PDE10A: variants seen among roughly 807,000 people sequenced by gnomAD.
PDE10A encodes the protein cAMP and cAMP-inhibited cGMP 3',5'-cyclic phosphodiesterase 10A.
A neutral mutation model predicts 97.7 loss-of-function variants in PDE10A; 39 were observed. The ratio of observed to expected loss-of-function variants is 0.40; its 90% CI spans 0.31 to 0.52. The LOEUF (loss-of-function observed/expected upper bound fraction) is 0.52, where lower values mean the gene tolerates loss of function less well. Among genes scored for constraint, PDE10A ranks in the 20% least tolerant of loss-of-function variants. PDE10A has a pLI of 0.56. For synonymous variants in PDE10A, 371 were observed against 376.8 expected (o/e 0.98, Z 0.18); for missense variants, 731 against 1,047.8 (o/e 0.70, Z 4.17).
chr6:165,855,518 C>G (rs1420612092), intron 1 of PDE10A, among the ~76,000 whole-genome samples: 1 of 151,536 alleles, frequency 6.6e-6, no homozygotes, highest in African/African-American at 2.4e-5. Flanking sequence ...TGCACCCCCA[C>G]GCAGCCCGGG....
chr6:165,618,579 C>G (rs1440109415), intron 1 of PDE10A, among the ~76,000 whole-genome samples: 1 of 152,164 alleles, frequency 6.6e-6, no homozygotes, highest in Non-Finnish European at 1.5e-5. Flanking sequence ...AGCCCTTTAC[C>G]ATATGCAGGG....
chr6:165,401,924 G>A (rs1052120582), intron 13 of PDE10A, among the ~76,000 whole-genome samples: 5 of 152,164 alleles, frequency 3.3e-5, no homozygotes, highest in Admixed American at 2.6e-4. Flanking sequence ...AGATGATAGC[G>A]TAGATTCTGC....
At chr6:165,518,854 A>G (rs539310776) in intron 2 of PDE10A, among the ~76,000 whole-genome samples, 37 of 152,322 alleles carry the variant, frequency 2.4e-4, no homozygotes, top group Non-Finnish European at 3.5e-4. Context: ...TGAGAAAGGC[A>G]TTAACATGTA....
chr6:165,472,749 AT>A (rs1400348089), intron 3 of PDE10A, among the ~76,000 whole-genome samples: 5 of 152,186 alleles, frequency 3.3e-5, no homozygotes, highest in Non-Finnish European at 5.9e-5. Context: ...ATAGAGATGC[AT>A]TCTGGTAAAA....
intron 2 of PDE10A, among the ~76,000 whole-genome samples, chr6:165,515,689 A>G (rs1781761151): frequency 6.6e-6 from 1 of 151,788 alleles, no homozygotes; most frequent in African/African-American, 2.4e-5. Context: ...ATGCTTGGCT[A>G]ATTTTTGTAT....
At chr6:165,343,183 T>G (rs1782080043) in intron 19 of PDE10A, among the ~76,000 whole-genome samples, 1 of 152,206 alleles carries the variant, frequency 6.6e-6, no homozygotes, top group Non-Finnish European at 1.5e-5. Flanking sequence ...TCAGTTGAGC[T>G]CAGAGAATTA....
Position 165,544,488 on chromosome 6 carries a change from A to G in PDE10A, c.866-920T>C, listed in dbSNP as rs144549280. The stretch of plus-strand genomic sequence containing the variant: ...AAACACAAACAGGCTTTGAATAATT[A>G]TCCTTCAGTGACGGGAATTATTTTT... On this transcript the variant is annotated intron_variant, in intron 1 of 21. Coordinates refer to ENST00000539869, the MANE Select transcript of PDE10A (RefSeq NM_001385079.1). 1.3e-3 allele frequency among the ~76,000 whole-genome samples: 200 copies of G among 151,938 alleles called. 1 individual carries two copies. Among genetic ancestry groups the G allele is most frequent in the African/African-American group, 4.6e-3 (189 of 41,450 alleles).
At chr6:165,566,684 T>C (rs10946083) in intron 1 of PDE10A, among the ~76,000 whole-genome samples, 8,665 of 152,264 alleles carry the variant, frequency 0.057, 534 homozygotes, top group East Asian at 0.32. Flanking sequence ...TGATAAGTCA[T>C]GAGTTGCTCT....
chr6:165,818,455 T>C (rs752547536), intron 1 of PDE10A, among the ~76,000 whole-genome samples: 1 of 152,154 alleles, frequency 6.6e-6, no homozygotes, highest in African/African-American at 2.4e-5. Context: ...AATTCAAGCA[T>C]GCTGCAATCC....
At chr6:165,481,419 C>G (rs1035695550) in intron 3 of PDE10A, among the ~76,000 whole-genome samples, 1 of 152,092 alleles carries the variant, frequency 6.6e-6, no homozygotes, top group Admixed American at 6.6e-5. Flanking sequence ...ACACCCCCAA[C>G]CCCCAGCGCT....
chr6:165,690,462 A>G (rs1326787727), intron 1 of PDE10A, among the ~76,000 whole-genome samples: 1 of 152,106 alleles, frequency 6.6e-6, no homozygotes, highest in East Asian at 1.9e-4. Flanking sequence ...GCTCTCCTCC[A>G]GTTCCTTTTC....
chr6:165,671,763 A>AGT lies in PDE10A; in HGVS notation c.-614-128197_-614-128196dup, dbSNP rs933520889. Among the ~76,000 whole-genome samples the AGT allele has an allele frequency of 6.6e-6, 1 of 152,080 alleles. No individual in the cohort carries two copies. The highest frequency in any genetic ancestry group is 1.9e-4 in the East Asian group (1 of 5,198). On this transcript the variant is annotated intron_variant, in intron 1 of 19. Coordinates refer to the PDE10A transcript ENST00000366882. This position sits in a 1 kb window ranked among gnomAD's most constrained non-coding sequence, Gnocchi z 4.6. ...TATATGTGTGTGTTTACATATATAC[A>AGT]GTGTGTGTGTGCTTTATTCTCTAAG...
At chr6:165,922,713 A>T (rs1454754815) in intron 1 of PDE10A, among the ~76,000 whole-genome samples, 1 of 152,226 alleles carries the variant, frequency 6.6e-6, no homozygotes, top group Admixed American at 6.5e-5. Flanking sequence ...TGAGCTCCAC[A>T]CGTGAGTCAG....
At chr6:165,642,222 C>G (rs1789170126) in intron 1 of PDE10A, among the ~76,000 whole-genome samples, 1 of 152,216 alleles carries the variant, frequency 6.6e-6, no homozygotes, top group African/African-American at 2.4e-5. Context: ...ACAGTCTTTT[C>G]CTTCTCCTCT....
At chr6:165,856,493 C>T (rs1775310470) in intron 1 of PDE10A, among the ~76,000 whole-genome samples, 1 of 152,120 alleles carries the variant, frequency 6.6e-6, no homozygotes, top group Admixed American at 6.5e-5. Flanking sequence ...TTTTTGATGT[C>T]GTCCATGAAG....
chr6:165,750,919 T>C (rs1298414355), intron 1 of PDE10A, among the ~76,000 whole-genome samples: 1 of 152,182 alleles, frequency 6.6e-6, no homozygotes, highest in Non-Finnish European at 1.5e-5. Context: ...TCCTAAGTTG[T>C]TGTTGGCAGG....
chr6:165,681,931 G>T (rs894836007), intron 1 of PDE10A, among the ~76,000 whole-genome samples: 2 of 152,178 alleles, frequency 1.3e-5, no homozygotes, highest in Non-Finnish European at 2.9e-5. Context: ...CTGAAATTAT[G>T]TGTCGTCATC....
At chr6:165,641,514 G>A (rs1389363273) in intron 1 of PDE10A, among the ~76,000 whole-genome samples, 3 of 150,448 alleles carry the variant, frequency 2.0e-5, no homozygotes, top group African/African-American at 7.3e-5. Flanking sequence ...TCAGTAATCT[G>A]GCAAATGCTT....
chr6:165,580,814 C>T (rs72503818), intron 1 of PDE10A, among the ~76,000 whole-genome samples: 1,832 of 146,336 alleles, frequency 0.013, 82 homozygotes, highest in Admixed American at 0.075. Context: ...AGAAAGAAGA[C>T]GGTAAGTCTC....
Sources: gnomAD v4.1 joint callset for allele counts (sites outside exome capture counted in the v4.1 genomes callset) on GRCh38, gnomAD v4.1.1 for gene constraint, Gnocchi (gnomAD v3.1) non-coding constraint, MANE v1.5 for transcripts, NCBI Gene and HGNC (gene_info 2026-07-23, HGNC 2026-07-21) for gene names.